The following IGSF3 variants were observed in gnomAD, a reference collection of about 807,000 sequenced individuals.
IGSF3 encodes the protein glu-Trp-Ile EWI motif-containing protein 3.
In IGSF3, 23 loss-of-function variants were observed where a neutral mutation model predicts 114.4. The observed-to-expected ratio is 0.20, with a 90% CI of 0.14 to 0.28. IGSF3 has a LOEUF of 0.28. Among genes scored for constraint, IGSF3 ranks in the 10% least tolerant of loss-of-function variants. The pLI, the probability that IGSF3 is intolerant of heterozygous loss-of-function variation, is 1.00. For synonymous variants in IGSF3, 571 were observed against 645.2 expected (o/e 0.88, Z 1.74); for missense variants, 1,172 against 1,591.5 (o/e 0.74, Z 4.48).
Position 116,627,017 on chromosome 1 carries a change from GA to G in IGSF3, c.44-10561del, listed in dbSNP as rs1331579111. 3.3e-5 allele frequency among the ~76,000 whole-genome samples: 5 copies of G among 152,136 alleles called. No homozygotes were observed. Among genetic ancestry groups the G allele is most frequent in the Non-Finnish European group, 2.9e-5 (2 of 68,024 alleles). The stretch of plus-strand genomic sequence containing the variant: ...TATTTGCCTTCTATTTTCTAGAGGG[GA>G]AAAAAATTAAAAGGCAAGATCAGAT... On this transcript the variant is annotated intron_variant, in intron 2 of 10. Transcript: ENST00000369486. The surrounding 1 kb of genome is among the most constrained non-coding windows in gnomAD (Gnocchi z 4.7).
In IGSF3 at chr1:116,666,877, C is replaced by G. The variant is rs1649355065; in HGVS notation, c.-551G>C. ...TGGTGGTAGGTCACGGAGGCGCCAC[C>G]TGCCCCACGCCTGCCTAGGGCACAC... On this transcript the variant is annotated 5_prime_UTR_variant, in exon 2 of 11. Transcript: ENST00000369486. 1 of 406,178 alleles carries G rather than the reference C, an allele frequency of 2.5e-6. No homozygotes were observed. The highest frequency in any genetic ancestry group is 2.1e-5 in the African/African-American group (1 of 48,656). 25.2% of individuals were successfully genotyped at this position (406,178 alleles called of 1,614,324 possible). A position where few individuals can be genotyped will look rare whatever the true frequency, so the allele number is the denominator to read the frequency against.
intron 2 of IGSF3, among the ~76,000 whole-genome samples, chr1:116,640,053 A>AG (rs1648019666): frequency 1.3e-5 from 2 of 150,982 alleles, no homozygotes; most frequent in African/African-American, 4.9e-5. Context: ...AAAAAAAAAA[A>AG]AAAAGAAAGA....
At position 116,583,196 on chromosome 1, in the gene IGSF3, C is replaced by A. The variant is rs1338364460; in HGVS notation, c.2848+1449G>T. Among the ~76,000 whole-genome samples the A allele has an allele frequency of 6.6e-6, 1 of 152,176 alleles. No homozygotes were observed. Among genetic ancestry groups the A allele is most frequent in the Non-Finnish European group, 1.5e-5 (1 of 68,040 alleles). ...CTGGGATGTAGCTGTACTCAATAAA[C>A]ATCTGTCTCCTCCCACTCCATCTGG... On this transcript the variant is annotated intron_variant, in intron 9 of 10. Transcript: ENST00000369486. The surrounding 1 kb of genome is among the most constrained non-coding windows in gnomAD (Gnocchi z 4.5).
In IGSF3 at chr1:116,590,638, T is replaced by C. The variant is rs1660070127; in HGVS notation, c.2030-1534A>G. On this transcript the variant is annotated intron_variant, in intron 7 of 10. Transcript: ENST00000369486. Reference sequence around the variant, plus strand: ...GGCTCCAGCACTCTACTGGTCAGACTCTTGTCTCTTTAGTCCAGCTCAACC... The same window carrying C: ...GGCTCCAGCACTCTACTGGTCAGACCCTTGTCTCTTTAGTCCAGCTCAACC... Among the ~76,000 whole-genome samples, 4 of 152,228 alleles carry C rather than the reference T, an allele frequency of 2.6e-5. No homozygotes were observed. In the South Asian group the frequency reaches 8.3e-4, roughly 32 times the overall value.
chr1:116,635,447 A>G (rs4044773), intron 2 of IGSF3, among the ~76,000 whole-genome samples: 3,098 of 152,114 alleles, frequency 0.02, 37 homozygotes, highest in Non-Finnish European at 0.022. Flanking sequence ...CATTCATAAT[A>G]CTTCTTCACC....
rs3965220 is a variant in IGSF3 at position 116,642,222 on chromosome 1, G to T, written c.43+24062C>A. Reference sequence around the variant, plus strand: ...ATTTTTGATTTTTAACATGTGCATGGATTACCTCTTATTAGAAAAAAAAAC... The same window carrying T: ...ATTTTTGATTTTTAACATGTGCATGTATTACCTCTTATTAGAAAAAAAAAC... On this transcript the variant is annotated intron_variant, in intron 2 of 10. Transcript: ENST00000369486. This position sits in a 1 kb window ranked among gnomAD's most constrained non-coding sequence, Gnocchi z 5.4. Among the ~76,000 whole-genome samples the T allele has an allele frequency of 6.6e-6, 1 of 151,726 alleles. No homozygotes were observed. Among genetic ancestry groups the T allele is most frequent in the African/African-American group, 2.4e-5 (1 of 41,274 alleles).
rs949251872 is a variant in IGSF3 at position 116,625,434 on chromosome 1, C to A, written c.44-8977G>T. ...CATTCCAGGATTAGCAAGAAGTTTG[C>A]GGAGGTCGTTTTGTCACATGACTGG... On this transcript the variant is annotated intron_variant, in intron 2 of 10. Transcript: ENST00000369486. This position sits in a 1 kb window ranked among gnomAD's most constrained non-coding sequence, Gnocchi z 4.7. Among the ~76,000 whole-genome samples, 1 of 152,168 alleles carries A rather than the reference C, an allele frequency of 6.6e-6. No individual in the cohort carries two copies. Among genetic ancestry groups the A allele is most frequent in the African/African-American group, 2.4e-5 (1 of 41,432 alleles).
Position 116,592,126 on chromosome 1 carries a change from G to C in IGSF3, c.2030-3022C>G, listed in dbSNP as rs1660137313. On this transcript the variant is annotated intron_variant, in intron 7 of 10. Coordinates refer to ENST00000369486, the MANE Select transcript of IGSF3 (RefSeq NM_001007237.3). This position sits in a 1 kb window ranked among gnomAD's most constrained non-coding sequence, Gnocchi z 4.5. ...GACCAGCAGCACTGGGAGCTTGTTAGAAATGCAGACTCTCAGGCCCCACCC... is the reference window on the plus strand; with the variant it reads ...GACCAGCAGCACTGGGAGCTTGTTACAAATGCAGACTCTCAGGCCCCACCC... Among the ~76,000 whole-genome samples the C allele has an allele frequency of 1.3e-5, 2 of 152,170 alleles. No homozygotes were observed. The highest frequency in any genetic ancestry group is 4.8e-5 in the African/African-American group (2 of 41,432).
At chr1:116,586,838 C>T (rs1659865978) in intron 8 of IGSF3, among the ~76,000 whole-genome samples, 1 of 151,978 alleles carries the variant, frequency 6.6e-6, no homozygotes, top group African/African-American at 2.4e-5. Context: ...CAAAAGAACA[C>T]TGGTGGGCCT....
intron 2 of IGSF3, among the ~76,000 whole-genome samples, chr1:116,646,198 C>T (rs977145132): frequency 3.3e-5 from 5 of 152,176 alleles, no homozygotes; most frequent in Admixed American, 1.3e-4. Flanking sequence ...GTTTCTGCAC[C>T]GTGTGAACCC....
rs1309977332 is a variant in IGSF3, at chr1:116,589,733, C to A, written c.2030-629G>T. 6.6e-6 allele frequency among the ~76,000 whole-genome samples: 1 copy of A among 152,186 alleles called. No homozygotes were observed. Among genetic ancestry groups the A allele is most frequent in the African/African-American group, 2.4e-5 (1 of 41,442 alleles). On this transcript the variant is annotated intron_variant, in intron 7 of 10. Coordinates refer to ENST00000369486, the MANE Select transcript of IGSF3 (RefSeq NM_001007237.3). The surrounding 1 kb of genome is among the most constrained non-coding windows in gnomAD (Gnocchi z 5.7). ...TATATATCTCTGGGCTGTGTGTCCT[C>A]ACATCTCTCTCCCATATCCTAGATG...
In IGSF3 at chr1:116,647,577, G is replaced by C. The variant is rs1257738760; in HGVS notation, c.43+18707C>G. Reference sequence around the variant, plus strand: ...TTAACTCTTAAAATCACCCTAATGAGTATTTCCTATTATTTTACAGATGAG... The same window carrying C: ...TTAACTCTTAAAATCACCCTAATGACTATTTCCTATTATTTTACAGATGAG... On this transcript the variant is annotated intron_variant, in intron 2 of 10. Transcript: ENST00000369486. This position sits in a 1 kb window ranked among gnomAD's most constrained non-coding sequence, Gnocchi z 4.6. Among the ~76,000 whole-genome samples the C allele has an allele frequency of 6.6e-6, 1 of 152,206 alleles. No individual in the cohort carries two copies. The highest frequency in any genetic ancestry group is 1.5e-5 in the Non-Finnish European group (1 of 68,034).
At position 116,598,729 on chromosome 1, in the gene IGSF3, C is replaced by G. The variant is rs1368498421; in HGVS notation, c.2029+1212G>C. Among the ~76,000 whole-genome samples the G allele has an allele frequency of 6.6e-6, 1 of 152,204 alleles. No individual in the cohort carries two copies. The highest frequency in any genetic ancestry group is 2.4e-5 in the African/African-American group (1 of 41,442). ...CCCTTGCCCTTGCCTGCACAGGTGT[C>G]TGTTCCAGCCGAGGCATGGGCTGGG... On this transcript the variant is annotated intron_variant, in intron 7 of 10. Coordinates refer to ENST00000369486, the MANE Select transcript of IGSF3 (RefSeq NM_001007237.3). The surrounding 1 kb of genome is among the most constrained non-coding windows in gnomAD (Gnocchi z 4.3).
rs998088504 is a variant in IGSF3 at position 116,615,795 on chromosome 1, T to C, written c.421+285A>G. On this transcript the variant is annotated intron_variant, in intron 3 of 10. Coordinates refer to ENST00000369486, the MANE Select transcript of IGSF3 (RefSeq NM_001007237.3). This position sits in a 1 kb window ranked among gnomAD's most constrained non-coding sequence, Gnocchi z 4.3. ...TCATTCAGATCATCAACCACAAACA[T>C]CCTTGCCTTATATTTTCATATCCCT... 1.3e-5 allele frequency among the ~76,000 whole-genome samples: 2 copies of C among 152,202 alleles called. No homozygotes were observed. Among genetic ancestry groups the C allele is most frequent in the African/African-American group, 2.4e-5 (1 of 41,442 alleles).
At position 116,665,593 on chromosome 1, in the gene IGSF3, T is replaced by G. The variant is rs1649296048; in HGVS notation, c.43+691A>C. 6.6e-6 allele frequency among the ~76,000 whole-genome samples: 1 copy of G among 152,168 alleles called. No individual in the cohort carries two copies. The highest frequency in any genetic ancestry group is 6.5e-5 in the Admixed American group (1 of 15,280). ...AAGAGGGGTGTCAAAGGTTCACCTC[T>G]CAGGGCCATAGTTTCTTCTTCCCAC... On this transcript the variant is annotated intron_variant, in intron 2 of 10. Transcript: ENST00000369486. This position sits in a 1 kb window ranked among gnomAD's most constrained non-coding sequence, Gnocchi z 4.0.
At chr1:116,639,236 GA>G (rs1282393845) in intron 2 of IGSF3, among the ~76,000 whole-genome samples, 1 of 152,230 alleles carries the variant, frequency 6.6e-6, no homozygotes, top group African/African-American at 2.4e-5. Flanking sequence ...GGTCTGGCTG[GA>G]AGGGGAGGGT....
intron 5 of IGSF3, among the ~76,000 whole-genome samples, chr1:116,606,192 G>A (rs193188766): frequency 6.6e-6 from 1 of 152,364 alleles, no homozygotes; most frequent in Non-Finnish European, 1.5e-5. Flanking sequence ...GAAGTTGACG[G>A]TGTAGCACAG....
Position 116,598,858 on chromosome 1 carries a change from G to A in IGSF3, c.2029+1083C>T, listed in dbSNP as rs1660451089. 6.6e-6 allele frequency among the ~76,000 whole-genome samples: 1 copy of A among 152,246 alleles called. No homozygotes were observed. The highest frequency in any genetic ancestry group is 1.5e-5 in the Non-Finnish European group (1 of 68,040). ...TGCAGGAAAACCATAAGAGCTGCAT[G>A]TACTTAACTCCTCCCACGTGTCAGC... On this transcript the variant is annotated intron_variant, in intron 7 of 10. Coordinates refer to ENST00000369486, the MANE Select transcript of IGSF3 (RefSeq NM_001007237.3). This position sits in a 1 kb window ranked among gnomAD's most constrained non-coding sequence, Gnocchi z 4.3.
At position 116,625,754 on chromosome 1, in the gene IGSF3, T is replaced by TG. The variant is rs1661552747; in HGVS notation, c.44-9298dup. Among the ~76,000 whole-genome samples the TG allele has an allele frequency of 6.6e-6, 1 of 152,214 alleles. No individual in the cohort carries two copies. Among genetic ancestry groups the TG allele is most frequent in the Non-Finnish European group, 1.5e-5 (1 of 68,036 alleles). ...TCACTCTTTCATTCTTTCTCTTATC[T>TG]GAATCCCCAGTGGTACCTAAAATAG... On this transcript the variant is annotated intron_variant, in intron 2 of 10. Coordinates refer to ENST00000369486, the MANE Select transcript of IGSF3 (RefSeq NM_001007237.3). The surrounding 1 kb of genome is among the most constrained non-coding windows in gnomAD (Gnocchi z 4.7).
Sources: allele counts gnomAD v4.1 joint callset (sites outside exome capture counted in the v4.1 genomes callset), GRCh38; gene constraint gnomAD v4.1.1; non-coding constraint Gnocchi (gnomAD v3.1); transcripts MANE v1.5; gene names NCBI Gene and HGNC (gene_info 2026-07-23, HGNC 2026-07-21).